Variants in DHX8 observed in about 807,000 individuals in gnomAD.
The protein encoded by DHX8 is DEAH-box helicase 8.
DHX8 carries 67 observed loss-of-function variants against 140.7 expected under a neutral mutation model. The ratio of observed to expected loss-of-function variants is 0.48; its 90% CI spans 0.39 to 0.58. The LOEUF (loss-of-function observed/expected upper bound fraction) is 0.58. Ranked by LOEUF, DHX8 falls within the 20% of genes least tolerant of loss-of-function variation. DHX8 has a pLI of 0.00. For synonymous variants in DHX8, 533 were observed against 553.2 expected (o/e 0.96, Z 0.51); for missense variants, 887 against 1,550.7 (o/e 0.57, Z 7.19).
chr17:43,498,497 T>C (rs1969003150), intron 9 of DHX8, among the ~76,000 whole-genome samples: 2 of 151,584 alleles, frequency 1.3e-5, no homozygotes, highest in African/African-American at 2.4e-5. Flanking sequence ...TCACCCAGGC[T>C]GGAGTGCAAT....
chr17:43,532,887 C>T (rs1418499327), intron 2 of DHX8: 1 of 1,604,278 alleles, frequency 6.2e-7, no homozygotes, highest in Admixed American at 1.7e-5. Flanking sequence ...TCCCGGCCCC[C>T]TCCCTGAGAT....
At chr17:43,509,676 GT>G (rs71361530) in intron 16 of DHX8, among the ~76,000 whole-genome samples, 1 of 150,392 alleles carries the variant, frequency 6.6e-6, no homozygotes, top group East Asian at 1.9e-4. Flanking sequence ...TTGTTTTTGT[GT>G]TTTTTTTTGA....
At position 43,524,736 on chromosome 17, in the gene DHX8, T is replaced by C. The variant is rs994598418; in HGVS notation, c.*889T>C. 2 of 985,400 alleles carry C rather than the reference T, an allele frequency of 2.0e-6. No homozygotes were observed. Among genetic ancestry groups the C allele is most frequent in the Non-Finnish European group, 2.4e-6 (2 of 829,914 alleles). 61.0% of individuals were successfully genotyped at this position (985,400 alleles called of 1,614,324 possible). ...CAGCTTTTATTTTATTTTGTTTTTA[T>C]TTTTTTCCCCTGAGGTCCTGGATGG... is the stretch of plus-strand genomic sequence containing the variant. On this transcript the variant is annotated 3_prime_UTR_variant, in exon 23 of 23. Coordinates refer to ENST00000262415, the MANE Select transcript of DHX8 (RefSeq NM_004941.3).
At chr17:43,527,853 AGTG>A, downstream of DHX8, 1 of 229,058 alleles carries the variant, frequency 4.4e-6, no homozygotes, top group Non-Finnish European at 8.7e-6. Context: ...TAATGGGAGA[AGTG>A]GGGGCCTTTA....
intron 15 of DHX8, 40 bp from the exon 16 acceptor site, chr17:43,508,299 C>G (rs773957109): frequency 1.3e-6 from 2 of 1,586,012 alleles, no homozygotes; most frequent in Non-Finnish European, 8.6e-7. Flanking sequence ...GACACACATA[C>G]ACACACAGAA....
At chr17:43,525,689 C>G (rs1970588420), downstream of DHX8, 14 of 983,624 alleles carry the variant, frequency 1.4e-5, no homozygotes, top group Non-Finnish European at 1.7e-5. Flanking sequence ...AGGCTGGCAT[C>G]AAACTCCTGA....
At chr17:43,499,088 G>T (rs1169308206) in intron 10 of DHX8, 129 bp downstream of exon 10, 4 of 640,156 alleles carry the variant, frequency 6.2e-6, no homozygotes, top group South Asian at 6.1e-5. Flanking sequence ...GTTAGCCAGG[G>T]TCTATAATAG....
chr17:43,541,311 T>C (rs1971509722), intron 3 of DHX8, among the ~76,000 whole-genome samples: 1 of 152,198 alleles, frequency 6.6e-6, no homozygotes, highest in African/African-American at 2.4e-5. Context: ...CCATGTTTCG[T>C]CTTAAGTGTA....
At chr17:43,515,022 G>A (rs1970034967) in intron 17 of DHX8, among the ~76,000 whole-genome samples, 1 of 151,976 alleles carries the variant, frequency 6.6e-6, no homozygotes, top group South Asian at 2.1e-4. Context: ...CTAAATGTTA[G>A]CCAAGATTAT....
chr17:43,508,484 C>G lies in DHX8; in HGVS notation c.2466C>G (p.Thr822=), dbSNP rs1337812739. ...VYSALPSEMQ[T]RIFDPAPPGS... ...CTGCTCTTCCCAGTGAGATGCAGAC[C>G]CGAATCTTTGACCCAGCTCCACCAG... The change falls in exon 16 of 23, where the codon ACC becomes ACG. Residue 822 remains threonine (T), a synonymous_variant. Transcript: ENST00000262415. 1 of 1,613,144 alleles carries G rather than the reference C, an allele frequency of 6.2e-7. No homozygotes were observed. The highest frequency in any genetic ancestry group is 1.1e-5 in the South Asian group (1 of 90,822).
Position 43,499,948 on chromosome 17 carries a change from T to G in DHX8, c.1399-8T>G. On this transcript the variant is annotated splice_polypyrimidine_tract_variant and splice_region_variant and intron_variant, in intron 10 of 22. Coordinates refer to ENST00000262415, the MANE Select transcript of DHX8 (RefSeq NM_004941.3). ...TAATCCATGTTGTTTTTTCTTCTGT[T>G]GCACCAGAACCCAGACGGCTCCCTC... 6.2e-7 allele frequency: 1 copy of G among 1,613,134 alleles called. No homozygotes were observed. The highest frequency in any genetic ancestry group is 8.5e-7 in the Non-Finnish European group (1 of 1,179,676).
At chr17:43,508,312 T>G (rs948555766) in intron 15 of DHX8, 27 bp from the exon 16 acceptor site, 1 of 1,595,500 alleles carries the variant, frequency 6.3e-7, no homozygotes, top group Non-Finnish European at 8.5e-7. Flanking sequence ...ACACAGAAAG[T>G]AGATGAATGT....
intron 11 of DHX8, 134 bp from the exon 12 acceptor site, chr17:43,504,506 GTTTC>G: frequency 2.5e-6 from 2 of 786,232 alleles, no homozygotes; most frequent in South Asian, 3.6e-5. Flanking sequence ...ACATTAATTT[GTTTC>G]TTTGAGTACT....
rs1326338473 is a variant in DHX8 at position 43,525,149 on chromosome 17, C to T, written c.*1302C>T. The stretch of plus-strand genomic sequence containing the variant: ...AGGCAGGTCTTGCCAGGCCAGGTTT[C>T]GGAACTTACGGAAAGCTGGTCTGGA... On this transcript the variant is annotated 3_prime_UTR_variant, in exon 23 of 23. Coordinates refer to ENST00000262415, the MANE Select transcript of DHX8 (RefSeq NM_004941.3). 2 of 985,290 alleles carry T rather than the reference C, an allele frequency of 2.0e-6. No homozygotes were observed. The highest frequency in any genetic ancestry group is 1.2e-6 in the Non-Finnish European group (1 of 829,968). 61.0% of individuals were successfully genotyped at this position (985,290 alleles called of 1,614,324 possible).
chr17:43,488,146 C>T (rs1309092648), intron 1 of DHX8, among the ~76,000 whole-genome samples: 1 of 151,900 alleles, frequency 6.6e-6, no homozygotes, highest in African/African-American at 2.4e-5. Context: ...GTCATGGTGG[C>T]ATGCGCCTGT....
chr17:43,536,425 C>T (rs1275646688), exon 3 of DHX8: 4 of 1,613,980 alleles, frequency 2.5e-6, no homozygotes, highest in Admixed American at 1.7e-5. Context: ...CCTCTACTCA[C>T]GGTTTTCTGA....
intron 21 of DHX8, 37 bp downstream of exon 21, chr17:43,521,602 GA>G (rs1221934814): frequency 6.3e-7 from 1 of 1,578,050 alleles, no homozygotes; most frequent in Non-Finnish European, 8.7e-7. Flanking sequence ...TGTTTGAGTT[GA>G]ACCACCTTGA....
At chr17:43,493,395 G>C in intron 6 of DHX8, 50 bp from the exon 7 acceptor site, 1 of 1,597,046 alleles carries the variant, frequency 6.3e-7, no homozygotes, top group Non-Finnish European at 8.5e-7. Flanking sequence ...AAATTGGTTG[G>C]GGGAAAAATA....
intron 2 of DHX8, chr17:43,532,917 C>A: frequency 6.3e-7 from 1 of 1,577,970 alleles, no homozygotes; most frequent in Non-Finnish European, 8.6e-7. Flanking sequence ...TGGCAAATGT[C>A]CAGGGGCTGC....
Sources: gnomAD v4.1 joint callset for allele counts (sites outside exome capture counted in the v4.1 genomes callset) on GRCh38, gnomAD v4.1.1 for gene constraint, MANE v1.5 for transcripts, NCBI Gene and HGNC (gene_info 2026-07-23, HGNC 2026-07-21) for gene names.